RSRC1: variants seen among roughly 807,000 people sequenced by gnomAD.
The protein encoded by RSRC1 is serine/Arginine-related protein 53.
In RSRC1, 39 loss-of-function variants were observed where a neutral mutation model predicts 49.1. That is an observed-to-expected ratio of 0.79 (90% CI 0.61 to 1.04). The LOEUF (loss-of-function observed/expected upper bound fraction) is 1.04, where lower values mean the gene tolerates loss of function less well. Ranked by LOEUF, RSRC1 falls within the 50% of genes least tolerant of loss-of-function variation. RSRC1 has a pLI of 0.00. For missense variants in RSRC1, 388 were observed against 402.4 expected, an observed-to-expected ratio of 0.96 and a Z score of 0.31; for synonymous variants, 143 against 130.8, an observed-to-expected ratio of 1.09 and a Z score of -0.63.
chr3:158,148,613 G>A (rs924676334), intron 3 of RSRC1, among the ~76,000 whole-genome samples: 2 of 151,882 alleles, frequency 1.3e-5, no homozygotes, highest in African/African-American at 2.4e-5. Context: ...CTTTTAATCA[G>A]TTGTTTATTC....
intron 9 of RSRC1, chr3:158,543,726 T>C (rs1003009958): frequency 5.1e-6 from 2 of 395,910 alleles, no homozygotes; most frequent in South Asian, 8.6e-5. Context: ...TTAAGAAAAA[T>C]AGACAAAGAG....
intron 4 of RSRC1, among the ~76,000 whole-genome samples, chr3:158,249,991 A>G (rs1280451160): frequency 2.6e-5 from 4 of 152,106 alleles, no homozygotes; most frequent in Non-Finnish European, 4.4e-5. Context: ...AGCCTCTAGT[A>G]AGCATCATTG....
At position 158,118,462 on chromosome 3, in the gene RSRC1, T is replaced by TGTGCGCGCGC. The variant is rs1491469875; in HGVS notation, c.-2-3640_-2-3639insTGCGCGCGCG. ...GTGTGTGTGTGTGTGTGTGTGTGTG[T>TGTGCGCGCGC]GCGCGTGCGCGTGGTTTTTTTAAAT... On this transcript the variant is annotated intron_variant, in intron 1 of 9. Transcript: ENST00000611884. Among the ~76,000 whole-genome samples, 425 of 124,690 alleles carry TGTGCGCGCGC rather than the reference T, an allele frequency of 3.4e-3. 4 individuals are homozygous for TGTGCGCGCGC. Among genetic ancestry groups the TGTGCGCGCGC allele is most frequent in the Non-Finnish European group, 4.1e-3 (254 of 61,268 alleles). The allele number at this position is 124,690 out of a possible 152,430, so 81.8% of individuals were successfully genotyped here. A position where few individuals can be genotyped will look rare whatever the true frequency, so the allele number is the denominator to read the frequency against.
intron 6 of RSRC1, among the ~76,000 whole-genome samples, chr3:158,422,996 G>T (rs374121891): frequency 6.6e-6 from 1 of 152,016 alleles, no homozygotes; most frequent in Non-Finnish European, 1.5e-5. Context: ...AGATGAGTAG[G>T]TTGCAAAAAT....
intron 5 of RSRC1, among the ~76,000 whole-genome samples, chr3:158,305,899 T>G (rs1487168609): frequency 2.6e-5 from 4 of 152,048 alleles, no homozygotes; most frequent in Non-Finnish European, 5.9e-5. Context: ...GTTGTTAAAA[T>G]AGTGTGTGAA....
At chr3:158,459,366 A>G (rs1737502842) in intron 6 of RSRC1, among the ~76,000 whole-genome samples, 2 of 152,154 alleles carry the variant, frequency 1.3e-5, no homozygotes, top group Admixed American at 1.3e-4. Context: ...CCCAAGAGCT[A>G]TATATAAGCA....
intron 6 of RSRC1, among the ~76,000 whole-genome samples, chr3:158,392,312 A>G (rs1170436988): frequency 1.3e-5 from 2 of 152,138 alleles, no homozygotes; most frequent in Non-Finnish European, 1.5e-5. Flanking sequence ...AAGAGTTATT[A>G]GAGTTAACCT....
At chr3:158,444,293 C>G (rs916327913) in intron 6 of RSRC1, among the ~76,000 whole-genome samples, 2 of 152,164 alleles carry the variant, frequency 1.3e-5, no homozygotes, top group African/African-American at 4.8e-5. Flanking sequence ...CAGCAAGGTA[C>G]TGGCACCAAA....
chr3:158,201,428 C>G (rs999111888), intron 3 of RSRC1, among the ~76,000 whole-genome samples: 2 of 152,066 alleles, frequency 1.3e-5, no homozygotes, highest in African/African-American at 2.4e-5. Context: ...TTTTCACTCA[C>G]CACTGAAAAA....
At chr3:158,239,410 C>T (rs1220489903) in intron 4 of RSRC1, among the ~76,000 whole-genome samples, 9 of 152,088 alleles carry the variant, frequency 5.9e-5, no homozygotes, top group East Asian at 1.9e-4. Flanking sequence ...CCCATGCACA[C>T]GTTTATTGCA....
intron 4 of RSRC1, among the ~76,000 whole-genome samples, chr3:158,256,106 C>T (rs1401611160): frequency 3.9e-5 from 6 of 151,936 alleles, no homozygotes; most frequent in African/African-American, 7.3e-5. Context: ...GTGTTGAATC[C>T]GAGTGGTGAG....
At chr3:158,498,400 T>A (rs1159227077) in intron 7 of RSRC1, among the ~76,000 whole-genome samples, 1 of 152,208 alleles carries the variant, frequency 6.6e-6, no homozygotes, top group African/African-American at 2.4e-5. Context: ...TAGTCCACTT[T>A]TTGATGGCAT....
intron 6 of RSRC1, among the ~76,000 whole-genome samples, chr3:158,427,904 T>G (rs893034699): frequency 2.6e-5 from 4 of 151,830 alleles, no homozygotes; most frequent in Admixed American, 1.3e-4. Context: ...GTTCAATGAC[T>G]ATCTTCATGC....
At chr3:158,385,393 T>G (rs6786849) in intron 6 of RSRC1, among the ~76,000 whole-genome samples, 8,586 of 152,196 alleles carry the variant, frequency 0.056, 823 homozygotes, top group African/African-American at 0.2. Flanking sequence ...TACAAAGTGT[T>G]AAAAAGTGCA....
intron 7 of RSRC1, among the ~76,000 whole-genome samples, chr3:158,484,922 A>G (rs1370618088): frequency 6.6e-6 from 1 of 152,138 alleles, no homozygotes; most frequent in East Asian, 1.9e-4. Context: ...AACATAAAAT[A>G]TAAGATGCAG....
At chr3:158,241,091 G>A (rs1723546891) in intron 4 of RSRC1, among the ~76,000 whole-genome samples, 1 of 152,044 alleles carries the variant, frequency 6.6e-6, no homozygotes, top group Non-Finnish European at 1.5e-5. Flanking sequence ...AATATGTAGG[G>A]TTTGATACTA....
chr3:158,212,684 T>TATG (rs1485556619), intron 4 of RSRC1, among the ~76,000 whole-genome samples: 1 of 151,932 alleles, frequency 6.6e-6, no homozygotes, highest in African/African-American at 2.4e-5. Context: ...TTAGTAAGGT[T>TATG]ATGAATGGCT....
chr3:158,270,436 G>T (rs778879426), intron 4 of RSRC1, among the ~76,000 whole-genome samples: 1 of 152,162 alleles, frequency 6.6e-6, no homozygotes, highest in East Asian at 1.9e-4. Flanking sequence ...ATGGAATTGC[G>T]CTGTGCCAGT....
Position 158,544,289 on chromosome 3 carries a change from A to AGTTGG in RSRC1, c.*15_*19dup. 1 of 1,503,282 alleles carries AGTTGG rather than the reference A, an allele frequency of 6.7e-7. No individual in the cohort carries two copies. Among genetic ancestry groups the AGTTGG allele is most frequent in the Non-Finnish European group, 9.1e-7 (1 of 1,093,348 alleles). The allele number at this position is 1,503,282 out of a possible 1,614,324, so 93.1% of individuals were successfully genotyped here. A position where few individuals can be genotyped will look rare whatever the true frequency, so the allele number is the denominator to read the frequency against. ...CCTGTGGCCTAAGTAATATACATATAGTTGGATTGGATTGTCAGCAGTAAC... is the reference window on the plus strand; with the variant it reads ...CCTGTGGCCTAAGTAATATACATATAGTTGGGTTGGATTGGATTGTCAGCAGTAAC... On this transcript the variant is annotated 3_prime_UTR_variant, in exon 10 of 10. Coordinates refer to ENST00000611884, the MANE Select transcript of RSRC1 (RefSeq NM_001271838.2).
Sources: gnomAD v4.1 joint callset for allele counts (sites outside exome capture counted in the v4.1 genomes callset) on GRCh38, gnomAD v4.1.1 for gene constraint, MANE v1.5 for transcripts, NCBI Gene and HGNC (gene_info 2026-07-23, HGNC 2026-07-21) for gene names.